The following FAM171A1 variants were observed in gnomAD, a reference collection of about 807,000 sequenced individuals.
FAM171A1 encodes the protein protein FAM171A1.
In FAM171A1, 23 loss-of-function variants were observed where a neutral mutation model predicts 74.9. The observed-to-expected ratio is 0.31, with a 90% CI of 0.22 to 0.44. The LOEUF (loss-of-function observed/expected upper bound fraction) is 0.44. FAM171A1 is among the 20% of genes least tolerant of loss of function. The pLI is 1.00. For missense variants in FAM171A1, 1,162 were observed against 1,159.2 expected, an observed-to-expected ratio of 1.00 and a Z score of -0.03; for synonymous variants, 527 against 505.7, an observed-to-expected ratio of 1.04 and a Z score of -0.57.
intron 1 of FAM171A1, among the ~76,000 whole-genome samples, chr10:15,293,517 G>A (rs1835125900): frequency 6.8e-6 from 1 of 146,410 alleles, no homozygotes; most frequent in Non-Finnish European, 1.5e-5. Context: ...GTGCCAGAAA[G>A]CAAAAAGAAT....
chr10:15,322,555 G>C (rs1835499423), intron 1 of FAM171A1, among the ~76,000 whole-genome samples: 1 of 152,172 alleles, frequency 6.6e-6, no homozygotes, highest in East Asian at 1.9e-4. Context: ...CAGCTGCACT[G>C]ATCTCCAGCT....
chr10:15,269,842 T>C (rs913166791), intron 3 of FAM171A1, among the ~76,000 whole-genome samples: 3 of 152,208 alleles, frequency 2.0e-5, no homozygotes, highest in South Asian at 4.1e-4. Context: ...GTGGTGTGCC[T>C]CACAGGGAAA....
upstream of FAM171A1, among the ~76,000 whole-genome samples, chr10:15,371,301 GC>G (rs1171017228): frequency 2.0e-4 from 28 of 142,316 alleles, no homozygotes; most frequent in South Asian, 6.0e-3. Flanking sequence ...ACCCCTTCCT[GC>G]CTCGCCCGCC....
chr10:15,287,335 G>A lies in FAM171A1; in HGVS notation c.98-3230C>T, dbSNP rs1018252838. Reference sequence around the variant, plus strand: ...TCTCCATCTCCTGACCACGTGATCTGCCCACCTCAGCCTCCCAAAGTGCTG... The same window carrying A: ...TCTCCATCTCCTGACCACGTGATCTACCCACCTCAGCCTCCCAAAGTGCTG... On this transcript the variant is annotated intron_variant, in intron 1 of 7. Coordinates refer to ENST00000378116, the MANE Select transcript of FAM171A1 (RefSeq NM_001010924.2). Among the ~76,000 whole-genome samples, 5 of 150,128 alleles carry A rather than the reference G, an allele frequency of 3.3e-5. 1 individual carries two copies. The highest frequency in any genetic ancestry group is 1.2e-4 in the African/African-American group (5 of 40,746).
At chr10:15,337,583 C>T (rs960668346) in intron 1 of FAM171A1, among the ~76,000 whole-genome samples, 8 of 151,906 alleles carry the variant, frequency 5.3e-5, no homozygotes, top group Non-Finnish European at 7.4e-5. Flanking sequence ...GTGGCTCACA[C>T]GTGTAATCCC....
At chr10:15,304,969 A>C (rs1835276002) in intron 1 of FAM171A1, among the ~76,000 whole-genome samples, 1 of 152,138 alleles carries the variant, frequency 6.6e-6, no homozygotes, top group African/African-American at 2.4e-5. Context: ...CCTGACCTCA[A>C]GTGATACGCC....
At chr10:15,367,215 C>T (rs991285163) in intron 1 of FAM171A1, among the ~76,000 whole-genome samples, 4 of 151,944 alleles carry the variant, frequency 2.6e-5, no homozygotes, top group Admixed American at 1.3e-4. Flanking sequence ...AACAAACAAA[C>T]AAACAAACAC....
chr10:15,341,011 A>C (rs1030672652), intron 1 of FAM171A1, among the ~76,000 whole-genome samples: 5 of 152,172 alleles, frequency 3.3e-5, no homozygotes, highest in Non-Finnish European at 5.9e-5. Flanking sequence ...CAAATTTGCA[A>C]TCTTGTCTAT....
At chr10:15,219,962 T>C (rs1834016809) in intron 6 of FAM171A1, among the ~76,000 whole-genome samples, 1 of 152,248 alleles carries the variant, frequency 6.6e-6, no homozygotes, top group Admixed American at 6.5e-5. Context: ...AACACATTTT[T>C]CCACACCTGT....
intron 1 of FAM171A1, among the ~76,000 whole-genome samples, chr10:15,364,179 T>C (rs1038662255): frequency 6.6e-6 from 1 of 152,096 alleles, no homozygotes; most frequent in Admixed American, 6.5e-5. Context: ...TAGAGCACAG[T>C]CAAAAAGCCA....
chr10:15,353,555 C>T (rs1438714541), intron 1 of FAM171A1, among the ~76,000 whole-genome samples: 3 of 152,140 alleles, frequency 2.0e-5, no homozygotes, highest in East Asian at 1.9e-4. Flanking sequence ...AGCAAGAAAA[C>T]GTCCTAAGTT....
intron 1 of FAM171A1, among the ~76,000 whole-genome samples, chr10:15,323,957 A>C (rs1835518729): frequency 6.6e-6 from 1 of 152,188 alleles, no homozygotes; most frequent in Non-Finnish European, 1.5e-5. Context: ...AAAAGTCCAC[A>C]TAGAGCATAA....
At chr10:15,312,676 T>C (rs1349596893) in intron 1 of FAM171A1, among the ~76,000 whole-genome samples, 1 of 17,690 alleles carries the variant, frequency 5.7e-5, no homozygotes, top group Non-Finnish European at 1.6e-4. Flanking sequence ...ACTGTGTGTT[T>C]TTTTTTTTTT....
At chr10:15,326,565 C>T (rs575537364) in intron 1 of FAM171A1, among the ~76,000 whole-genome samples, 8 of 151,770 alleles carry the variant, frequency 5.3e-5, no homozygotes, top group African/African-American at 9.7e-5. Context: ...CCACCTGCCT[C>T]GGCCTCCCAA....
intron 1 of FAM171A1, among the ~76,000 whole-genome samples, chr10:15,295,467 A>C (rs1835150739): frequency 6.6e-6 from 1 of 152,076 alleles, no homozygotes; most frequent in Non-Finnish European, 1.5e-5. Context: ...TATTCTAACA[A>C]ACTCTGGCCC....
intron 5 of FAM171A1, among the ~76,000 whole-genome samples, chr10:15,222,976 C>G (rs1031047678): frequency 6.6e-6 from 1 of 152,202 alleles, no homozygotes; most frequent in South Asian, 2.1e-4. Flanking sequence ...TGAAGCGCAC[C>G]CTCCTAGAAA....
chr10:15,231,773 A>G (rs1384697129), intron 5 of FAM171A1, among the ~76,000 whole-genome samples: 1 of 152,306 alleles, frequency 6.6e-6, no homozygotes, highest in Non-Finnish European at 1.5e-5. Context: ...ACTATAGGCC[A>G]GGAGTCAGCG....
At chr10:15,218,429 C>G (rs1359776195) in intron 6 of FAM171A1, among the ~76,000 whole-genome samples, 3 of 152,102 alleles carry the variant, frequency 2.0e-5, no homozygotes, top group Non-Finnish European at 4.4e-5. Context: ...AAATTCACAG[C>G]TATACTTCAC....
At chr10:15,246,029 TC>T in intron 5 of FAM171A1, among the ~76,000 whole-genome samples, 1 of 152,254 alleles carries the variant, frequency 6.6e-6, no homozygotes, top group South Asian at 2.1e-4. Flanking sequence ...CTCAGGCTAC[TC>T]CCTCCTGGAG....
Sources: gnomAD v4.1 joint callset for allele counts (sites outside exome capture counted in the v4.1 genomes callset) on GRCh38, gnomAD v4.1.1 for gene constraint, MANE v1.5 for transcripts, NCBI Gene and HGNC (gene_info 2026-07-23, HGNC 2026-07-21) for gene names.